The following HTT variants were observed in gnomAD, a reference collection of about 807,000 sequenced individuals.
HTT encodes huntington disease protein.
In HTT, 104 loss-of-function variants were observed where a neutral mutation model predicts 362.3. The ratio of observed to expected loss-of-function variants is 0.29; its 90% CI spans 0.24 to 0.34. The LOEUF (loss-of-function observed/expected upper bound fraction) is 0.34, where lower values mean the gene tolerates loss of function less well. Among genes scored for constraint, HTT ranks in the 10% least tolerant of loss-of-function variants. The pLI is 1.00. For synonymous variants in HTT, 1,577 were observed against 1,548.7 expected (o/e 1.02, Z -0.43); for missense variants, 3,301 against 3,928.6 (o/e 0.84, Z 4.27).
chr4:3,165,864 T>C (rs1423344543), intron 29 of HTT, among the ~76,000 whole-genome samples: 1 of 152,178 alleles, frequency 6.6e-6, no homozygotes. Context: ...CATGCTCCTT[T>C]AGCTCGGAGA....
rs757034900 is a variant in HTT, at chr4:3,187,683, G to A, written c.5022G>A (p.Ser1674=). 30 of 1,614,016 alleles carry A rather than the reference G, an allele frequency of 1.9e-5. No individual in the cohort carries two copies. The highest frequency in any genetic ancestry group is 2.4e-5 in the Non-Finnish European group (28 of 1,179,926). ...ASVSTVQLWI[S]GILAILRVLI... is the part of the protein sequence containing the mutation. ...TGAGCACTGTTCAACTGTGGATATC[G>A]GGAATTCTGGCCATTTTGAGGGTTC... The change falls in exon 39 of 67, where the codon TCG becomes TCA. Residue 1674 remains serine (S), a synonymous_variant. Coordinates refer to ENST00000355072, the MANE Select transcript of HTT (RefSeq NM_001388492.1).
At chr4:3,115,925 G>A (rs1036620491) in intron 7 of HTT, among the ~76,000 whole-genome samples, 160 bp from the exon 8 acceptor site, 1 of 152,244 alleles carries the variant, frequency 6.6e-6, no homozygotes, top group African/African-American at 2.4e-5. Flanking sequence ...AGCTAGGGAT[G>A]TGGGTGTGTA....
intron 4 of HTT, among the ~76,000 whole-genome samples, chr4:3,104,121 A>G (rs1251933490): frequency 6.6e-6 from 1 of 151,916 alleles, no homozygotes; most frequent in African/African-American, 2.4e-5. Flanking sequence ...TATTTTTGAG[A>G]CAGAGTCTTG....
chr4:3,081,556 T>C (rs936146570), intron 1 of HTT, among the ~76,000 whole-genome samples: 4 of 128,084 alleles, frequency 3.1e-5, no homozygotes, highest in Non-Finnish European at 4.8e-5. Context: ...ATTTCTTTTT[T>C]TTTTTTTTTT....
At position 3,147,937 on chromosome 4, in the gene HTT, G is replaced by A. The variant is rs112095365; in HGVS notation, c.3296-68G>A. 1.2e-5 allele frequency: 16 copies of A among 1,313,548 alleles called. No homozygotes were observed. The African/African-American group carries it at 2.3e-4, about 19-fold the overall frequency. 81.4% of individuals were successfully genotyped at this position (1,313,548 alleles called of 1,614,324 possible). On this transcript the variant is annotated intron_variant, in intron 25 of 66. Coordinates refer to ENST00000355072, the MANE Select transcript of HTT (RefSeq NM_001388492.1). ...CAACATAGGGTCTTAAATGACTTCA[G>A]TTCCCCAAGCAATTTGTCCTTCCCA... is the stretch of plus-strand genomic sequence containing the variant.
At position 3,074,928 on chromosome 4, in the gene HTT, C is replaced by CAGCAGCAGCAGCAGT; in HGVS notation, c.110_111insGCAGCAGTAGCAGCA (p.Gln38_Pro39insGlnTer). On this transcript the variant is annotated stop_gained and inframe_insertion, in exon 1 of 67. Coordinates refer to ENST00000355072, the MANE Select transcript of HTT (RefSeq NM_001388492.1). LOFTEE classifies it high-confidence loss of function. Reference sequence around the variant, plus strand: ...GCAGCAGCAGCAGCAGCAGCAGCAGCAGCAGCAACAGCCGCCACCGCCGCC... The same window carrying CAGCAGCAGCAGCAGT: ...GCAGCAGCAGCAGCAGCAGCAGCAGCAGCAGCAGCAGCAGTAGCAGCAACAGCCGCCACCGCCGCC... 6.9e-7 allele frequency: 1 copy of CAGCAGCAGCAGCAGT among 1,439,146 alleles called. No individual in the cohort carries two copies. Among genetic ancestry groups the CAGCAGCAGCAGCAGT allele is most frequent in the Non-Finnish European group, 9.2e-7 (1 of 1,088,582 alleles). The allele number at this position is 1,439,146 out of a possible 1,614,324, so 89.1% of individuals were successfully genotyped here.
intron 1 of HTT, among the ~76,000 whole-genome samples, chr4:3,083,151 A>G (rs1003145653): frequency 6.6e-6 from 1 of 152,144 alleles, no homozygotes; most frequent in Non-Finnish European, 1.5e-5. Context: ...GCGAGAGATG[A>G]GAGGTTAGAG....
intron 1 of HTT, 151 bp downstream of exon 1, chr4:3,075,239 C>T: frequency 1.4e-6 from 1 of 740,446 alleles, no homozygotes; most frequent in Non-Finnish European, 1.8e-6. Flanking sequence ...TGAGGGACAC[C>T]CGCCCCCTCC....
chr4:3,162,938 G>A (rs527881603), intron 29 of HTT, among the ~76,000 whole-genome samples: 3 of 152,062 alleles, frequency 2.0e-5, no homozygotes, highest in South Asian at 4.2e-4. Flanking sequence ...GCCTGATTGC[G>A]CTGGCCAGAA....
rs1422004837 is a variant in HTT at position 3,139,678 on chromosome 4, T to A, written c.2799-832T>A. On this transcript the variant is annotated intron_variant, in intron 21 of 66. Coordinates refer to ENST00000355072, the MANE Select transcript of HTT (RefSeq NM_001388492.1). Reference sequence around the variant, plus strand: ...ACCCTTTTGTTTTTGTAGGAAAATGTTACCCGTATTCTCCATTTGAATTCA... The same window carrying A: ...ACCCTTTTGTTTTTGTAGGAAAATGATACCCGTATTCTCCATTTGAATTCA... Among the ~76,000 whole-genome samples the A allele has an allele frequency of 2.6e-5, 4 of 152,236 alleles. No homozygotes were observed. In the East Asian group the frequency reaches 5.8e-4, roughly 22 times the overall value.
At chr4:3,193,535 T>A (rs1257314166) in intron 40 of HTT, among the ~76,000 whole-genome samples, 1 of 152,208 alleles carries the variant, frequency 6.6e-6, no homozygotes, top group Non-Finnish European at 1.5e-5. Context: ...GCGATCTCTG[T>A]GCAGCTCAAA....
chr4:3,100,098 C>T (rs1445346772), intron 3 of HTT, among the ~76,000 whole-genome samples: 1 of 152,188 alleles, frequency 6.6e-6, no homozygotes, highest in Non-Finnish European at 1.5e-5. Flanking sequence ...ACTGGATGCT[C>T]CTGGGAAAAT....
At chr4:3,100,655 C>T (rs1714107749) in intron 3 of HTT, among the ~76,000 whole-genome samples, 1 of 152,210 alleles carries the variant, frequency 6.6e-6, no homozygotes. Context: ...TTAGGGCCTG[C>T]TTCCAGTTAA....
At chr4:3,123,030 T>G in intron 10 of HTT, 94 bp downstream of exon 10, 1 of 944,422 alleles carries the variant, frequency 1.1e-6, no homozygotes, top group Non-Finnish European at 1.7e-6. Context: ...TGTAATACTG[T>G]ATTGGACTCT....
intron 14 of HTT, among the ~76,000 whole-genome samples, 197 bp downstream of exon 14, chr4:3,130,620 T>A (rs1274918769): frequency 1.3e-5 from 2 of 152,264 alleles, no homozygotes; most frequent in African/African-American, 4.8e-5. Flanking sequence ...GCCTGAGTTC[T>A]GCCTCCTTTG....
intron 66 of HTT, among the ~76,000 whole-genome samples, chr4:3,239,523 G>A (rs972250596): frequency 1.1e-4 from 16 of 152,260 alleles, no homozygotes; most frequent in African/African-American, 2.4e-4. Flanking sequence ...TGCCTGGCAC[G>A]GCTCTGCCCT....
chr4:3,180,629 T>A lies in HTT; in HGVS notation c.4727T>A (p.Leu1576Gln). 1 of 1,613,580 alleles carries A rather than the reference T, an allele frequency of 6.2e-7. No individual in the cohort carries two copies. Among genetic ancestry groups the A allele is most frequent in the Non-Finnish European group, 8.5e-7 (1 of 1,179,788 alleles). The change falls in exon 36 of 67, where the codon CTG (leucine) becomes CAG (glutamine). Residue 1576 changes from leucine (L) to glutamine (Q), a missense_variant. Physicochemically the swap from Leu to Gln is moderately radical, Grantham distance 113. This residue lies in a region of HTT where 2,316 missense variants were observed against 2,658.5 expected (regional missense o/e 0.87). Coordinates refer to ENST00000355072, the MANE Select transcript of HTT (RefSeq NM_001388492.1). ...TQKEVVVSML[L>Q]RLIQYHQVLE... ...AAAGAGGTGGTGGTGTCAATGTTAC[T>A]GAGACTCATCCAGTACCATCAGGTA...
chr4:3,111,751 G>A (rs1714763832), intron 6 of HTT, among the ~76,000 whole-genome samples: 1 of 152,138 alleles, frequency 6.6e-6, no homozygotes, highest in African/African-American at 2.4e-5. Flanking sequence ...GGAGGTGGGG[G>A]AGGGGCTGCT....
intron 39 of HTT, 159 bp from the exon 40 acceptor site, chr4:3,188,792 T>C (rs1263251937): frequency 7.8e-6 from 5 of 639,448 alleles, no homozygotes; most frequent in Admixed American, 3.0e-5. Flanking sequence ...ACCAAGTGAC[T>C]GTGTCCACGG....
Sources: gnomAD v4.1 joint callset for allele counts (sites outside exome capture counted in the v4.1 genomes callset) on GRCh38, gnomAD v4.1.1 for gene constraint, gnomAD v4.1.1 regional missense constraint, MANE v1.5 for transcripts, NCBI Gene and HGNC (gene_info 2026-07-23, HGNC 2026-07-21) for gene names.